Variants in FAM171A1 observed in about 807,000 individuals in gnomAD.
FAM171A1 encodes protein FAM171A1.
Under a neutral mutation model 74.9 loss-of-function variants are expected in FAM171A1, and 23 were observed. The observed-to-expected ratio is 0.31, with a 90% confidence interval of 0.22 to 0.44. FAM171A1 has a LOEUF of 0.44. FAM171A1 is among the 20% of genes least tolerant of loss of function. FAM171A1 has a pLI of 1.00. For missense variants in FAM171A1, 1,162 were observed against 1,159.2 expected (o/e 1.00, Z -0.03); for synonymous variants, 527 against 505.7 (o/e 1.04, Z -0.57).
chr10:15,259,718 C>T (rs934075355), intron 3 of FAM171A1, among the ~76,000 whole-genome samples: 1 of 151,962 alleles, frequency 6.6e-6, no homozygotes, highest in African/African-American at 2.4e-5. Flanking sequence ...ACTCTGTATC[C>T]TTTCCTATCA....
chr10:15,343,974 A>G lies in FAM171A1; in HGVS notation c.97+26982T>C, dbSNP rs891033285. ...ATTATTGCTGAACTACACTGAACAC[A>G]TTTAAAGATCAGACAACTTCCATTT... On this transcript the variant is annotated intron_variant, in intron 1 of 7. Coordinates refer to ENST00000378116, the MANE Select transcript of FAM171A1 (RefSeq NM_001010924.2). 7.2e-5 allele frequency among the ~76,000 whole-genome samples: 11 copies of G among 152,348 alleles called. No individual in the cohort carries two copies. In the East Asian group the frequency reaches 2.1e-3, roughly 29 times the overall value.
rs947929777 is a variant in FAM171A1 at position 15,213,497 on chromosome 10, C to T, written c.2091G>A (p.Gly697=). Residue 697 remains glycine, a synonymous_variant, in exon 8 of 8, where the codon GGG becomes GGA. Coordinates refer to ENST00000378116, the MANE Select transcript of FAM171A1 (RefSeq NM_001010924.2). This position sits in a 1 kb window ranked among gnomAD's most constrained non-coding sequence, Gnocchi z 6.8. Reference sequence around the variant, plus strand: ...GGGGGTGCGGAAGCGGCTTCCCACCCCCAAGCTCCATCAGGGCCTTTTCAG... The same window carrying T: ...GGGGGTGCGGAAGCGGCTTCCCACCTCCAAGCTCCATCAGGGCCTTTTCAG... ...LLTEKALMEL[G]GGKPLPHPRA... The T allele has an allele frequency of 1.2e-6, 2 of 1,614,134 alleles. No homozygotes were observed. Among genetic ancestry groups the T allele is most frequent in the African/African-American group, 1.3e-5 (1 of 75,048 alleles).
At chr10:15,330,960 G>T (rs557892718) in intron 1 of FAM171A1, among the ~76,000 whole-genome samples, 1 of 151,984 alleles carries the variant, frequency 6.6e-6, no homozygotes, top group Admixed American at 6.6e-5. Context: ...CATGATCTCG[G>T]CTCACTGCAA....
chr10:15,360,836 C>T (rs1357949569), intron 1 of FAM171A1, among the ~76,000 whole-genome samples: 2 of 152,218 alleles, frequency 1.3e-5, no homozygotes, highest in East Asian at 1.9e-4. Flanking sequence ...GGCAGCCCAA[C>T]ATCACCCTGG....
chr10:15,355,042 C>T (rs74124822), intron 1 of FAM171A1, among the ~76,000 whole-genome samples: 4,420 of 152,290 alleles, frequency 0.029, 206 homozygotes, highest in African/African-American at 0.1. Context: ...GTTAATGAAG[C>T]GTCTCAAGTA....
chr10:15,278,815 T>C (rs1834928932), intron 2 of FAM171A1, among the ~76,000 whole-genome samples: 1 of 152,080 alleles, frequency 6.6e-6, no homozygotes, highest in Non-Finnish European at 1.5e-5. Context: ...CATTCTGCAA[T>C]TAGTCACTGT....
At chr10:15,254,024 C>T (rs1834542869) in intron 4 of FAM171A1, among the ~76,000 whole-genome samples, 1 of 152,190 alleles carries the variant, frequency 6.6e-6, no homozygotes, top group Non-Finnish European at 1.5e-5. Flanking sequence ...GGTACTGACC[C>T]AGCTGACTTA....
rs545785815 is a variant in FAM171A1 at position 15,360,871 on chromosome 10, T to G, written c.97+10085A>C. ...GCGGTTCTGGTAGCCAAGCCACACT[T>G]TCGACTTTTTACTTGATTAATGTTA... On this transcript the variant is annotated intron_variant, in intron 1 of 7. Coordinates refer to ENST00000378116, the MANE Select transcript of FAM171A1 (RefSeq NM_001010924.2). Among the ~76,000 whole-genome samples the G allele has an allele frequency of 3.9e-5, 6 of 152,260 alleles. No individual in the cohort carries two copies. The East Asian group carries it at 1.2e-3, about 29-fold the overall frequency.
At position 15,289,945 on chromosome 10, in the gene FAM171A1, A is replaced by G. The variant is rs545933081; in HGVS notation, c.98-5840T>C. 1.6e-4 allele frequency among the ~76,000 whole-genome samples: 25 copies of G among 152,270 alleles called. No individual in the cohort carries two copies. In the South Asian group the frequency reaches 2.3e-3, roughly 14 times the overall value. On this transcript the variant is annotated intron_variant, in intron 1 of 7. Transcript: ENST00000378116. ...CTCACTACTTTTGGCCCTTTAGAGA[A>G]AAAGGAAGGCCATGTGGCTCACGCC...
Position 15,305,995 on chromosome 10 carries a change from T to C in FAM171A1, c.98-21890A>G, listed in dbSNP as rs543994783. ...GCTCTTAGTGGAACTGCTCTCAAAATATCATCAGAACGGGGTCTGACAGCA... is the reference window on the plus strand; with the variant it reads ...GCTCTTAGTGGAACTGCTCTCAAAACATCATCAGAACGGGGTCTGACAGCA... On this transcript the variant is annotated intron_variant, in intron 1 of 7. Transcript: ENST00000378116. 9.2e-5 allele frequency among the ~76,000 whole-genome samples: 14 copies of C among 152,236 alleles called. No homozygotes were observed. In the South Asian group the frequency reaches 2.5e-3, roughly 27 times the overall value.
chr10:15,212,912 A>AG lies in FAM171A1; in HGVS notation c.*2dup. 6.2e-7 allele frequency: 1 copy of AG among 1,613,634 alleles called. No homozygotes were observed. The highest frequency in any genetic ancestry group is 8.5e-7 in the Non-Finnish European group (1 of 1,179,934). On this transcript the variant is annotated 3_prime_UTR_variant, in exon 8 of 8. Coordinates refer to ENST00000378116, the MANE Select transcript of FAM171A1 (RefSeq NM_001010924.2). Reference sequence around the variant, plus strand: ...TTCCACAGTCAGGTGGGTCTGCGATAGCTCATTTAATGTTAAACGCCATCA... The same window carrying AG: ...TTCCACAGTCAGGTGGGTCTGCGATAGGCTCATTTAATGTTAAACGCCATCA...
intron 2 of FAM171A1, among the ~76,000 whole-genome samples, chr10:15,282,800 T>C (rs1347107105): frequency 6.6e-6 from 1 of 152,186 alleles, no homozygotes; most frequent in Non-Finnish European, 1.5e-5. Flanking sequence ...CAGACTCGAC[T>C]CTAATGTTCC....
At chr10:15,217,783 G>A (rs867410563) in intron 6 of FAM171A1, among the ~76,000 whole-genome samples, 9 of 151,690 alleles carry the variant, frequency 5.9e-5, no homozygotes, top group East Asian at 1.9e-4. Context: ...GATTATAGGC[G>A]CCCGCCACCA....
At chr10:15,369,630 GA>G (rs1285088212) in intron 1 of FAM171A1, among the ~76,000 whole-genome samples, 4 of 152,340 alleles carry the variant, frequency 2.6e-5, no homozygotes, top group Non-Finnish European at 5.9e-5. Flanking sequence ...GCCAGAATAT[GA>G]AAACCTTCAA....
intron 5 of FAM171A1, among the ~76,000 whole-genome samples, chr10:15,233,524 GTGT>G (rs1564617969): frequency 4.3e-5 from 5 of 115,148 alleles, no homozygotes; most frequent in Admixed American, 8.2e-5. Flanking sequence ...TATTCAGGGT[GTGT>G]GTGTGTGTGT....
At chr10:15,296,809 T>C (rs1158396184) in intron 1 of FAM171A1, among the ~76,000 whole-genome samples, 1 of 151,904 alleles carries the variant, frequency 6.6e-6, no homozygotes, top group Non-Finnish European at 1.5e-5. Flanking sequence ...TCCATTTGAA[T>C]GACCTCATTG....
chr10:15,273,853 C>T (rs1834859171), intron 3 of FAM171A1, among the ~76,000 whole-genome samples: 1 of 152,160 alleles, frequency 6.6e-6, no homozygotes, highest in African/African-American at 2.4e-5. Context: ...GCTAAAAACT[C>T]TCAATAAACT....
At chr10:15,370,463 G>T (rs1836126472) in intron 1 of FAM171A1, among the ~76,000 whole-genome samples, 1 of 151,118 alleles carries the variant, frequency 6.6e-6, no homozygotes, top group South Asian at 2.1e-4. Context: ...GGGCACCCCG[G>T]GGCGTCAGCC....
chr10:15,215,411 G>T (rs192151180), intron 7 of FAM171A1, among the ~76,000 whole-genome samples: 2 of 151,990 alleles, frequency 1.3e-5, no homozygotes, highest in African/African-American at 4.8e-5. Flanking sequence ...TGTTGCCCAG[G>T]CTGGAGTACA....
Sources: gnomAD v4.1 joint callset for allele counts (sites outside exome capture counted in the v4.1 genomes callset) on GRCh38, gnomAD v4.1.1 for gene constraint, Gnocchi (gnomAD v3.1) non-coding constraint, MANE v1.5 for transcripts, NCBI Gene and HGNC (gene_info 2026-07-23, HGNC 2026-07-21) for gene names.